TMEM108: variants seen among roughly 807,000 people sequenced by gnomAD.
The protein encoded by TMEM108 is cancer/testis antigen 124.
Under a neutral mutation model 35.1 loss-of-function variants are expected in TMEM108, and 12 were observed. The observed-to-expected ratio is 0.34, with a 90% CI of 0.22 to 0.55. The LOEUF (loss-of-function observed/expected upper bound fraction) is 0.55, where lower values mean the gene tolerates loss of function less well. Among genes scored for constraint, TMEM108 ranks in the 20% least tolerant of loss-of-function variants. The pLI, the probability that TMEM108 is intolerant of heterozygous loss-of-function variation, is 0.89. For missense variants in TMEM108, 680 were observed against 753.3 expected (o/e 0.90, Z 1.14); for synonymous variants, 287 against 308.6 (o/e 0.93, Z 0.73).
At chr3:133,200,818 G>T (rs1478938787) in intron 2 of TMEM108, among the ~76,000 whole-genome samples, 3 of 152,168 alleles carry the variant, frequency 2.0e-5, no homozygotes, top group East Asian at 3.8e-4. Flanking sequence ...GCCACATGTA[G>T]CTGTTTAAAT....
chr3:133,087,575 G>T (rs1388398388), intron 2 of TMEM108, among the ~76,000 whole-genome samples: 2 of 152,120 alleles, frequency 1.3e-5, no homozygotes, highest in Non-Finnish European at 2.9e-5. Context: ...TTAGCCCTTG[G>T]CATTGCTGTT....
chr3:133,139,453 A>G (rs1050095244), intron 2 of TMEM108, among the ~76,000 whole-genome samples: 9 of 152,194 alleles, frequency 5.9e-5, no homozygotes, highest in Non-Finnish European at 1.2e-4. Flanking sequence ...TCTGTGTAAT[A>G]AAGGAAGTGA....
intron 2 of TMEM108, among the ~76,000 whole-genome samples, chr3:133,202,665 T>C (rs1276330553): frequency 6.6e-6 from 1 of 152,246 alleles, no homozygotes; most frequent in Non-Finnish European, 1.5e-5. Context: ...TCTGTTTTGG[T>C]ACTAGTACCA....
chr3:133,361,929 C>T (rs760403382), intron 3 of TMEM108, among the ~76,000 whole-genome samples: 6 of 152,134 alleles, frequency 3.9e-5, no homozygotes, highest in Non-Finnish European at 8.8e-5. Flanking sequence ...AAAATATAAC[C>T]TGGCATAGTA....
intron 2 of TMEM108, among the ~76,000 whole-genome samples, chr3:133,203,067 G>A (rs138059641): frequency 0.017 from 2,544 of 152,262 alleles, 35 homozygotes; most frequent in Non-Finnish European, 0.023. Flanking sequence ...CTGAATGGCA[G>A]TTCACTCATG....
intron 2 of TMEM108, among the ~76,000 whole-genome samples, chr3:133,080,777 AG>A (rs1290466437): frequency 6.6e-6 from 1 of 152,200 alleles, no homozygotes; most frequent in Admixed American, 6.5e-5. Flanking sequence ...CCCAGTGTGA[AG>A]TACTTTCATC....
chr3:133,058,106 GT>G (rs1943494374), intron 2 of TMEM108, among the ~76,000 whole-genome samples: 7 of 150,378 alleles, frequency 4.7e-5, no homozygotes, highest in Admixed American at 4.0e-4. Flanking sequence ...AAAAAAAATT[GT>G]TTTTGTAATT....
At chr3:133,111,136 G>A (rs1944219290) in intron 2 of TMEM108, among the ~76,000 whole-genome samples, 2 of 152,162 alleles carry the variant, frequency 1.3e-5, no homozygotes, top group South Asian at 4.1e-4. Flanking sequence ...AACTATGGTA[G>A]CCATCTAGTC....
rs191529973 is a variant in TMEM108, at chr3:133,346,917, G to C, written c.41-32835G>C. 6.2e-4 allele frequency among the ~76,000 whole-genome samples: 95 copies of C among 152,146 alleles called. No homozygotes were observed. Among genetic ancestry groups the C allele is most frequent in the Non-Finnish European group, 1.2e-3 (80 of 67,946 alleles). ...CAAACAGTCCTTTCTCCATTGAATT[G>C]CCTTAGCTCCTTTGTCAAAGATCAG... On this transcript the variant is annotated intron_variant, in intron 3 of 5. Transcript: ENST00000321871. This position sits in a 1 kb window ranked among gnomAD's most constrained non-coding sequence, Gnocchi z 4.0.
At chr3:133,381,654 AC>A (rs2073016042) in intron 4 of TMEM108, among the ~76,000 whole-genome samples, 1 of 151,548 alleles carries the variant, frequency 6.6e-6, no homozygotes, top group South Asian at 2.1e-4. Flanking sequence ...CAACTAGCAA[AC>A]CCCTCACCTT....
intron 2 of TMEM108, among the ~76,000 whole-genome samples, chr3:133,099,237 T>C (rs1944055274): frequency 6.6e-6 from 1 of 152,210 alleles, no homozygotes; most frequent in Non-Finnish European, 1.5e-5. Context: ...GAGTTCTGCG[T>C]TGGCTCCTTT....
At chr3:133,213,094 C>G (rs1258794410) in intron 2 of TMEM108, among the ~76,000 whole-genome samples, 3 of 152,078 alleles carry the variant, frequency 2.0e-5, no homozygotes, top group African/African-American at 7.2e-5. Flanking sequence ...TTCATATTTG[C>G]CTACCTGTTG....
At chr3:133,303,948 C>G (rs1947266015) in intron 3 of TMEM108, among the ~76,000 whole-genome samples, 1 of 152,136 alleles carries the variant, frequency 6.6e-6, no homozygotes. Flanking sequence ...GCTACATAAT[C>G]CAGCATAGCC....
chr3:133,070,822 A>G (rs1168815679), intron 2 of TMEM108, among the ~76,000 whole-genome samples: 1 of 151,706 alleles, frequency 6.6e-6, no homozygotes, highest in African/African-American at 2.4e-5. Context: ...GTCGTTAAAA[A>G]AGAATCGCAT....
At chr3:133,286,196 A>G (rs1946982575) in intron 3 of TMEM108, among the ~76,000 whole-genome samples, 1 of 152,230 alleles carries the variant, frequency 6.6e-6, no homozygotes, top group Non-Finnish European at 1.5e-5. Context: ...CTTCTATAGT[A>G]TCTCAATGGG....
intron 2 of TMEM108, among the ~76,000 whole-genome samples, chr3:133,169,994 A>G (rs1330491628): frequency 6.6e-6 from 1 of 152,188 alleles, no homozygotes; most frequent in African/African-American, 2.4e-5. Context: ...TGCATTCATT[A>G]TTTCAGTACT....
intron 2 of TMEM108, among the ~76,000 whole-genome samples, chr3:133,197,347 A>G (rs1945593699): frequency 6.6e-6 from 1 of 152,130 alleles, no homozygotes; most frequent in African/African-American, 2.4e-5. Flanking sequence ...CAGGCGGTTT[A>G]TTTGGGAGGT....
At chr3:133,292,712 C>T (rs1044198918) in intron 3 of TMEM108, among the ~76,000 whole-genome samples, 2 of 152,108 alleles carry the variant, frequency 1.3e-5, no homozygotes, top group African/African-American at 4.8e-5. Context: ...CACCAAAGCC[C>T]TCTCCTTTTC....
In TMEM108 at chr3:133,072,909, C is replaced by T. The variant is rs377337226; in HGVS notation, c.-47+26889C>T. On this transcript the variant is annotated intron_variant, in intron 2 of 5. Transcript: ENST00000321871. ...TTCCTATAAATGGACTCATTCTATA[C>T]GCAGCCTTTTGTGTCTGGCTTCTTT... Among the ~76,000 whole-genome samples the T allele has an allele frequency of 7.2e-4, 110 of 152,240 alleles. 1 individual carries two copies. Among genetic ancestry groups the T allele is most frequent in the East Asian group, 3.5e-3 (18 of 5,188 alleles).
Sources: gnomAD v4.1 joint callset for allele counts (sites outside exome capture counted in the v4.1 genomes callset) on GRCh38, gnomAD v4.1.1 for gene constraint, Gnocchi (gnomAD v3.1) non-coding constraint, MANE v1.5 for transcripts, NCBI Gene and HGNC (gene_info 2026-07-23, HGNC 2026-07-21) for gene names.